RPTOR: variants seen among roughly 807,000 people sequenced by gnomAD.
The protein encoded by RPTOR is regulatory associated protein of MTOR complex 1.
RPTOR carries 21 observed loss-of-function variants against 169.9 expected under a neutral mutation model. The observed-to-expected ratio is 0.12, with a 90% CI of 0.09 to 0.18. The LOEUF is 0.18. Among genes scored for constraint, RPTOR ranks in the 10% least tolerant of loss-of-function variants. The pLI is 1.00. For missense variants in RPTOR, 1,133 were observed against 1,855.9 expected, an observed-to-expected ratio of 0.61 and a Z score of 7.16; for synonymous variants, 732 against 753.2, an observed-to-expected ratio of 0.97 and a Z score of 0.46.
chr17:80,556,874 A>G (rs963959531), intron 1 of RPTOR, among the ~76,000 whole-genome samples: 2 of 152,060 alleles, frequency 1.3e-5, no homozygotes, highest in African/African-American at 4.8e-5. Flanking sequence ...CGGGTGGGTC[A>G]CCTGAGGTCA....
chr17:80,601,553 G>GGCTTTTTTTTT (rs1567814617), intron 1 of RPTOR, among the ~76,000 whole-genome samples: 2 of 8,656 alleles, frequency 2.3e-4, no homozygotes, highest in African/African-American at 5.2e-4. Context: ...AGATGGTTCA[G>GGCTTTTTTTTT]TCTTTTTTTT....
At chr17:80,770,268 G>A (rs1458879078) in intron 6 of RPTOR, among the ~76,000 whole-genome samples, 3 of 152,244 alleles carry the variant, frequency 2.0e-5, no homozygotes, top group East Asian at 1.9e-4. Flanking sequence ...GCCTTGGGAT[G>A]TAACCGTCAT....
intron 2 of RPTOR, among the ~76,000 whole-genome samples, chr17:80,640,913 G>A (rs998368351): frequency 6.6e-6 from 1 of 152,252 alleles, no homozygotes; most frequent in Non-Finnish European, 1.5e-5. Context: ...CGCGGGCCGC[G>A]ACCATGCTGG....
intron 9 of RPTOR, among the ~76,000 whole-genome samples, chr17:80,831,480 G>A (rs1445532121): frequency 1.3e-5 from 2 of 152,212 alleles, no homozygotes; most frequent in Non-Finnish European, 2.9e-5. Flanking sequence ...TACTAGTCTG[G>A]ACACAGGAGG....
intron 6 of RPTOR, among the ~76,000 whole-genome samples, chr17:80,776,321 CTTTTTTTTT>C (rs545348018): frequency 1.8e-5 from 2 of 112,252 alleles, no homozygotes; most frequent in Non-Finnish European, 3.5e-5. Context: ...GCCAAACTTC[CTTTTTTTTT>C]TTTTTTTTTT....
intron 28 of RPTOR, among the ~76,000 whole-genome samples, chr17:80,951,262 C>CAAGACTTGGTGGCCTGTG (rs1190921090): frequency 6.6e-6 from 1 of 152,238 alleles, no homozygotes; most frequent in Non-Finnish European, 1.5e-5. Context: ...CTGCAGGAAA[C>CAAGACTTGGTGGCCTGTG]AAGACTTGGT....
rs966689912 is a variant in RPTOR at position 80,846,710 on chromosome 17, T to C, written c.1314+136T>C. 8 of 695,222 alleles carry C rather than the reference T, an allele frequency of 1.2e-5. No individual in the cohort carries two copies. In the African/African-American group the frequency reaches 1.4e-4, roughly 12 times the overall value. 43.1% of individuals were successfully genotyped at this position (695,222 alleles called of 1,614,324 possible). On this transcript the variant is annotated intron_variant, in intron 11 of 33. Transcript: ENST00000306801. Reference sequence around the variant, plus strand: ...CATCCCAGCCCCTCTGCCCCGAAGATGATGGTGCATGGGCAGGTCGCATTC... The same window carrying C: ...CATCCCAGCCCCTCTGCCCCGAAGACGATGGTGCATGGGCAGGTCGCATTC...
chr17:80,961,461 G>T lies in RPTOR; in HGVS notation c.3673G>T (p.Gly1225Cys). The T allele has an allele frequency of 6.4e-7, 1 of 1,551,002 alleles. No homozygotes were observed. ...GGCCTCCCTGCAGAAGCGTCCCGAC[G>T]GCCACATCGTGAGTGTGAGGTGAGG... is the stretch of plus-strand genomic sequence containing the variant. ...VKASLQKRPDGHIVSVSVNGD... is the reference protein window; with the variant it reads ...VKASLQKRPDCHIVSVSVNGD... Residue 1225 changes from glycine to cysteine, a missense_variant, in exon 31 of 34, where the codon GGC becomes TGC. Transcript: ENST00000306801.
intron 6 of RPTOR, among the ~76,000 whole-genome samples, chr17:80,777,437 T>C (rs1392308169): frequency 6.6e-6 from 1 of 152,168 alleles, no homozygotes; most frequent in Admixed American, 6.5e-5. Context: ...TGGTATGTCT[T>C]CATTCCAGCC....
chr17:80,869,142 C>T (rs1190539878), intron 13 of RPTOR, among the ~76,000 whole-genome samples: 1 of 152,104 alleles, frequency 6.6e-6, no homozygotes, highest in Non-Finnish European at 1.5e-5. Context: ...CTGTACTGTT[C>T]CCTTCTAGAT....
At position 80,746,938 on chromosome 17, in the gene RPTOR, G is replaced by T. The variant is rs975356507; in HGVS notation, c.655-7072G>T. Reference sequence around the variant, plus strand: ...GTTTTTTAAAAATGCTAGGTTCTGGGTGGGTGCGGTGGGTCAGGCCTGTAA... The same window carrying T: ...GTTTTTTAAAAATGCTAGGTTCTGGTTGGGTGCGGTGGGTCAGGCCTGTAA... On this transcript the variant is annotated intron_variant, in intron 5 of 33. Transcript: ENST00000306801. The surrounding 1 kb of genome is among the most constrained non-coding windows in gnomAD (Gnocchi z 4.5). 6.6e-6 allele frequency among the ~76,000 whole-genome samples: 1 copy of T among 151,884 alleles called. No homozygotes were observed. The highest frequency in any genetic ancestry group is 2.4e-5 in the African/African-American group (1 of 41,330).
intron 2 of RPTOR, among the ~76,000 whole-genome samples, chr17:80,629,061 C>T (rs1481135629): frequency 3.7e-5 from 5 of 135,762 alleles, no homozygotes; most frequent in South Asian, 4.8e-4. Context: ...ATGTATTGTG[C>T]TGTTGGACAT....
At chr17:80,594,070 TTTCTC>T (rs976836539) in intron 1 of RPTOR, among the ~76,000 whole-genome samples, 11 of 152,240 alleles carry the variant, frequency 7.2e-5, no homozygotes, top group South Asian at 2.1e-4. Flanking sequence ...TTCCTCTTTC[TTTCTC>T]TTCTCTTCTC....
At chr17:80,922,982 C>T (rs1400810809) in intron 22 of RPTOR, among the ~76,000 whole-genome samples, 155 bp downstream of exon 22, 6 of 152,254 alleles carry the variant, frequency 3.9e-5, no homozygotes, top group Non-Finnish European at 4.4e-5. Context: ...TTCCCTCTCC[C>T]TCCCGGACAC....
chr17:80,910,317 T>G (rs1000115290), intron 21 of RPTOR, among the ~76,000 whole-genome samples: 1 of 152,222 alleles, frequency 6.6e-6, no homozygotes, highest in Non-Finnish European at 1.5e-5. Context: ...CAGCACCCAG[T>G]GTCCAAAAAC....
chr17:80,698,924 G>C (rs771846173), intron 3 of RPTOR, among the ~76,000 whole-genome samples: 4 of 152,226 alleles, frequency 2.6e-5, no homozygotes, highest in African/African-American at 9.6e-5. Context: ...GCTTGTGTCT[G>C]ATTGCTAGGT....
intron 3 of RPTOR, among the ~76,000 whole-genome samples, chr17:80,652,975 G>GT (rs909928380): frequency 1.3e-5 from 2 of 152,086 alleles, no homozygotes; most frequent in African/African-American, 4.8e-5. Flanking sequence ...CGTGGTTTTG[G>GT]TTTTCATTTC....
chr17:80,874,950 T>C (rs2068090213), intron 13 of RPTOR, among the ~76,000 whole-genome samples: 1 of 152,228 alleles, frequency 6.6e-6, no homozygotes, highest in Admixed American at 6.5e-5. Context: ...TGATTGTCTC[T>C]GTGTTCACGT....
intron 3 of RPTOR, among the ~76,000 whole-genome samples, chr17:80,700,421 GTGATGGTGGTGGTTATGA>G (rs1567864177): frequency 6.8e-6 from 1 of 147,080 alleles, no homozygotes; most frequent in Non-Finnish European, 1.5e-5. Flanking sequence ...GGTGGTGATG[GTGATGGTGGTGGTTATGA>G]TGGTGGTGGT....
Sources: allele counts gnomAD v4.1 joint callset (sites outside exome capture counted in the v4.1 genomes callset), GRCh38; gene constraint gnomAD v4.1.1; non-coding constraint Gnocchi (gnomAD v3.1); transcripts MANE v1.5; gene names NCBI Gene and HGNC (gene_info 2026-07-23, HGNC 2026-07-21).